Variants in UNC80 observed in about 807,000 individuals in gnomAD.
UNC80 encodes unc-80 subunit of NALCN channel complex.
In UNC80, 164 loss-of-function variants were observed where a neutral mutation model predicts 384.6. The observed-to-expected ratio is 0.43, with a 90% CI of 0.38 to 0.49. The LOEUF (loss-of-function observed/expected upper bound fraction) is 0.49, where lower values mean the gene tolerates loss of function less well. Among genes scored for constraint, UNC80 ranks in the 20% least tolerant of loss-of-function variants. The pLI, the probability that UNC80 is intolerant of heterozygous loss-of-function variation, is 0.00. For missense variants in UNC80, 3,330 were observed against 4,143.0 expected, an observed-to-expected ratio of 0.80 and a Z score of 5.39; for synonymous variants, 1,486 against 1,527.8, an observed-to-expected ratio of 0.97 and a Z score of 0.64.
In UNC80 at chr2:209,939,540, C is replaced by T; in HGVS notation, c.6534C>T (p.Pro2178=). ...LFLISLTQKI[P]TAHKQSHVSM... Reference sequence around the variant, plus strand: ...TCATCTCCCTAACCCAGAAGATCCCCACAGCCCACAAACAGTCCCACGTCT... The same window carrying T: ...TCATCTCCCTAACCCAGAAGATCCCTACAGCCCACAAACAGTCCCACGTCT... The change falls in exon 43 of 65, where the codon CCC becomes CCT. Residue 2178 remains proline, a synonymous_variant. Transcript: ENST00000673920. 6.4e-7 allele frequency: 1 copy of T among 1,551,688 alleles called. No homozygotes were observed. Among genetic ancestry groups the T allele is most frequent in the Non-Finnish European group, 8.7e-7 (1 of 1,146,942 alleles).
chr2:209,890,800 ATTG>A (rs2086257540), intron 26 of UNC80, among the ~76,000 whole-genome samples: 2 of 152,214 alleles, frequency 1.3e-5, no homozygotes, highest in Admixed American at 1.3e-4. Flanking sequence ...ATAAATAGCT[ATTG>A]TTGTTGGGTT....
Position 209,816,900 on chromosome 2 carries a change from T to C in UNC80, c.1336-9T>C. The stretch of plus-strand genomic sequence containing the variant: ...CCTGTGCCTAATTCTACACCTCTCA[T>C]CACTGTAGTTCAAGAGCCGCAAAGA... On this transcript the variant is annotated splice_polypyrimidine_tract_variant and intron_variant, in intron 9 of 64. Transcript: ENST00000673920. The C allele has an allele frequency of 6.4e-7, 1 of 1,551,484 alleles. No homozygotes were observed. Among genetic ancestry groups the C allele is most frequent in the Non-Finnish European group, 8.7e-7 (1 of 1,146,854 alleles).
chr2:209,921,040 C>G (rs1357751609), intron 33 of UNC80, among the ~76,000 whole-genome samples: 1 of 152,088 alleles, frequency 6.6e-6, no homozygotes, highest in African/African-American at 2.4e-5. Flanking sequence ...GTTGCTCAGG[C>G]TGGTCTCGAA....
At chr2:209,825,644 T>A (rs771232329) in intron 13 of UNC80, among the ~76,000 whole-genome samples, 3 of 152,184 alleles carry the variant, frequency 2.0e-5, no homozygotes, top group Non-Finnish European at 2.9e-5. Flanking sequence ...TATAAAAGCA[T>A]GTCTTCTAAC....
At position 209,775,872 on chromosome 2, in the gene UNC80, T is replaced by C. The variant is rs771006037; in HGVS notation, c.142-17T>C. 6.2e-7 allele frequency: 1 copy of C among 1,604,846 alleles called. No homozygotes were observed. The highest frequency in any genetic ancestry group is 1.1e-5 in the South Asian group (1 of 90,138). The stretch of plus-strand genomic sequence containing the variant: ...GGATTTTGGCTTTTCTTATTGTTTT[T>C]GTTTTTGTATTTACAGTCCTTTGAG... On this transcript the variant is annotated splice_polypyrimidine_tract_variant and intron_variant, in intron 2 of 64. Coordinates refer to ENST00000673920, the MANE Select transcript of UNC80 (RefSeq NM_001371986.1).
chr2:209,893,346 G>A (rs1033815489), intron 26 of UNC80, among the ~76,000 whole-genome samples: 3 of 152,178 alleles, frequency 2.0e-5, no homozygotes, highest in Non-Finnish European at 2.9e-5. Context: ...AAGGAAGGAG[G>A]TGTGTATATG....
At chr2:209,952,613 G>GA (rs1473673651) in intron 47 of UNC80, among the ~76,000 whole-genome samples, 10 of 151,774 alleles carry the variant, frequency 6.6e-5, no homozygotes, top group East Asian at 1.9e-4. Context: ...CAGATGCCTG[G>GA]AAAAAAAAGA....
intron 7 of UNC80, chr2:209,809,581 C>A: frequency 1.3e-6 from 1 of 792,942 alleles, no homozygotes; most frequent in Non-Finnish European, 2.1e-6. Context: ...CCCTCGCTGA[C>A]CCTAGAGGCT....
chr2:209,904,232 T>C (rs2087898547), intron 28 of UNC80, among the ~76,000 whole-genome samples: 1 of 151,948 alleles, frequency 6.6e-6, no homozygotes, highest in Non-Finnish European at 1.5e-5. Context: ...TTGCAGAGAG[T>C]GGAAATGAAA....
At chr2:209,901,918 G>A (rs1460729168) in intron 28 of UNC80, among the ~76,000 whole-genome samples, 1 of 147,428 alleles carries the variant, frequency 6.8e-6, no homozygotes, top group African/African-American at 2.5e-5. Flanking sequence ...AACACAGCAA[G>A]ACTCTGTCTC....
chr2:209,867,640 A>G (rs1012405810), intron 22 of UNC80, among the ~76,000 whole-genome samples: 4 of 151,968 alleles, frequency 2.6e-5, no homozygotes, highest in Non-Finnish European at 5.9e-5. Flanking sequence ...TCAGAGGAGT[A>G]CATGTCCTGA....
intron 7 of UNC80, among the ~76,000 whole-genome samples, chr2:209,796,795 C>T (rs999601279): frequency 6.6e-6 from 1 of 152,282 alleles, no homozygotes; most frequent in African/African-American, 2.4e-5. Flanking sequence ...ACTGTAAGTC[C>T]AATTAAACCT....
intron 21 of UNC80, among the ~76,000 whole-genome samples, chr2:209,846,673 T>C (rs192393379): frequency 6.6e-6 from 1 of 152,162 alleles, no homozygotes; most frequent in East Asian, 1.9e-4. Context: ...AATATACACC[T>C]CAACATAAAA....
At chr2:209,848,417 T>A (rs1430846421) in intron 21 of UNC80, among the ~76,000 whole-genome samples, 1 of 152,174 alleles carries the variant, frequency 6.6e-6, no homozygotes, top group Non-Finnish European at 1.5e-5. Context: ...GAAATTTCAA[T>A]AATGATACTT....
At chr2:209,901,327 A>G (rs1400349043) in intron 28 of UNC80, among the ~76,000 whole-genome samples, 5 of 152,186 alleles carry the variant, frequency 3.3e-5, no homozygotes, top group Non-Finnish European at 5.9e-5. Context: ...CTTAAGAATT[A>G]TGCTAAATTT....
At chr2:209,874,646 G>T (rs748030922) in intron 23 of UNC80, among the ~76,000 whole-genome samples, 39 of 151,960 alleles carry the variant, frequency 2.6e-4, no homozygotes, top group Admixed American at 2.6e-4. Context: ...CTCCTCCCTC[G>T]TCATAAACAG....
At chr2:209,832,952 G>A (rs954700391) in intron 16 of UNC80, among the ~76,000 whole-genome samples, 3 of 152,178 alleles carry the variant, frequency 2.0e-5, no homozygotes, top group African/African-American at 7.2e-5. Flanking sequence ...TCAATGATTA[G>A]CCTACACCTC....
At chr2:209,969,977 C>T in intron 53 of UNC80, 86 bp downstream of exon 53, 3 of 1,485,940 alleles carry the variant, frequency 2.0e-6, no homozygotes, top group Non-Finnish European at 2.7e-6. Context: ...TACAGGTCAA[C>T]CACTTTGTGC....
chr2:209,809,228 C>A, intron 7 of UNC80: 1 of 691,578 alleles, frequency 1.4e-6, no homozygotes, highest in South Asian at 1.6e-5. Flanking sequence ...GCCAAGGATT[C>A]CCAGTTTCAA....
Sources: gnomAD v4.1 joint callset for allele counts (sites outside exome capture counted in the v4.1 genomes callset) on GRCh38, gnomAD v4.1.1 for gene constraint, MANE v1.5 for transcripts, NCBI Gene and HGNC (gene_info 2026-07-23, HGNC 2026-07-21) for gene names.